ANK1: variants seen among roughly 807,000 people sequenced by gnomAD.
ANK1 encodes ankyrin-1.
ANK1 carries 51 observed loss-of-function variants against 210.4 expected under a neutral mutation model. That is an observed-to-expected ratio of 0.24 (90% confidence interval 0.19 to 0.31). The LOEUF (loss-of-function observed/expected upper bound fraction) is 0.31. ANK1 is among the 10% of genes least tolerant of loss of function. ANK1 has a pLI of 1.00. For synonymous variants in ANK1, 967 were observed against 1,025.9 expected (o/e 0.94, Z 1.10); for missense variants, 2,051 against 2,504.4 (o/e 0.82, Z 3.86).
At position 41,803,078 on chromosome 8, in the gene ANK1, A is replaced by AGGAAGGAAGGAAGGGAAG. The variant is rs1554630992; in HGVS notation, c.127-44942_127-44941insCTTCCCTTCCTTCCTTCC. Reference sequence around the variant, plus strand: ...AAGAGAGAAAGGAAGGAAGGAAGGAAGGAAGGGAAGGAAAGGAAAGGAAAG... The same window carrying AGGAAGGAAGGAAGGGAAG: ...AAGAGAGAAAGGAAGGAAGGAAGGAAGGAAGGAAGGAAGGGAAGGGAAGGGAAGGAAAGGAAAGGAAAG... On this transcript the variant is annotated intron_variant, in intron 1 of 42. Coordinates refer to the ANK1 transcript ENST00000265709. Among the ~76,000 whole-genome samples, 332 of 74,908 alleles carry AGGAAGGAAGGAAGGGAAG rather than the reference A, an allele frequency of 4.4e-3. 13 individuals are homozygous for AGGAAGGAAGGAAGGGAAG. The highest frequency in any genetic ancestry group is 0.026 in the Middle Eastern group (4 of 152). The allele number at this position is 74,908 out of a possible 152,430, so 49.1% of individuals were successfully genotyped here. A position where few individuals can be genotyped will look rare whatever the true frequency, so the allele number is the denominator to read the frequency against.
At chr8:41,749,103 CACTT>C (rs567417385) in intron 2 of ANK1, among the ~76,000 whole-genome samples, 34 of 152,138 alleles carry the variant, frequency 2.2e-4, no homozygotes, top group African/African-American at 8.0e-4. Flanking sequence ...TTCAGGATGG[CACTT>C]ACGATACTGA....
At chr8:41,891,227 C>T (rs1314748518) in intron 1 of ANK1, among the ~76,000 whole-genome samples, 2 of 151,996 alleles carry the variant, frequency 1.3e-5, no homozygotes, top group African/African-American at 2.4e-5. Flanking sequence ...AGGACACACT[C>T]GCCACTACGT....
intron 15 of ANK1, 129 bp from the exon 16 acceptor site, chr8:41,714,383 T>G: frequency 1.5e-6 from 1 of 680,040 alleles, no homozygotes; most frequent in Non-Finnish European, 2.3e-6. Context: ...AGGCCAGTCT[T>G]AACTTGGAGT....
intron 2 of ANK1, among the ~76,000 whole-genome samples, chr8:41,756,808 G>GA (rs1218679356): frequency 1.3e-5 from 2 of 152,208 alleles, no homozygotes; most frequent in Non-Finnish European, 2.9e-5. Context: ...TAGGACAGAG[G>GA]CATGTCGCCC....
intron 2 of ANK1, among the ~76,000 whole-genome samples, chr8:41,738,019 TA>T (rs1833860439): frequency 6.6e-6 from 1 of 151,994 alleles, no homozygotes; most frequent in Admixed American, 6.5e-5. Flanking sequence ...GCATAAAAAA[TA>T]AATGCAAAAT....
intron 1 of ANK1, among the ~76,000 whole-genome samples, chr8:41,763,018 C>A (rs757529389): frequency 1.3e-5 from 2 of 152,072 alleles, no homozygotes; most frequent in Non-Finnish European, 2.9e-5. Flanking sequence ...GAATTAGAGA[C>A]CAGCCTGGTC....
chr8:41,738,584 AT>A (rs1183071638), intron 2 of ANK1, among the ~76,000 whole-genome samples: 2 of 152,158 alleles, frequency 1.3e-5, no homozygotes, highest in East Asian at 3.8e-4. Context: ...CTTTAAGCAG[AT>A]TTTTCATTGC....
chr8:41,735,446 G>A (rs1833183101), intron 2 of ANK1, among the ~76,000 whole-genome samples: 1 of 151,998 alleles, frequency 6.6e-6, no homozygotes, highest in Admixed American at 6.6e-5. Flanking sequence ...GATTAATTCT[G>A]TTCTATTGCG....
chr8:41,712,558 G>C (rs1016226063), intron 16 of ANK1, among the ~76,000 whole-genome samples: 7 of 152,246 alleles, frequency 4.6e-5, no homozygotes, highest in African/African-American at 1.7e-4. Flanking sequence ...CACGGAGAGG[G>C]GAGGGAGGAA....
intron 17 of ANK1, among the ~76,000 whole-genome samples, chr8:41,706,961 G>A (rs761116815): frequency 1.5e-4 from 23 of 152,328 alleles, no homozygotes; most frequent in Middle Eastern, 3.4e-3. Context: ...TAAGCAGGGC[G>A]TGGTGGCTCA....
At chr8:41,831,861 G>A (rs1806725235) in intron 1 of ANK1, among the ~76,000 whole-genome samples, 3 of 152,300 alleles carry the variant, frequency 2.0e-5, no homozygotes, top group South Asian at 4.1e-4. Context: ...ACTAAGGAGC[G>A]AATATGGATT....
Position 41,655,670 on chromosome 8 carries a change from C to T in ANK1, c.*120G>A. On this transcript the variant is annotated 3_prime_UTR_variant, in exon 43 of 43. Transcript: ENST00000289734. ...TCAGCCCAGAGGAATGTGTGCACCGCTGCGGTGGCCCTCAGGTCCAGCTCT... is the reference window on the plus strand; with the variant it reads ...TCAGCCCAGAGGAATGTGTGCACCGTTGCGGTGGCCCTCAGGTCCAGCTCT... 2.5e-6 allele frequency: 4 copies of T among 1,591,346 alleles called. No individual in the cohort carries two copies. Among genetic ancestry groups the T allele is most frequent in the Non-Finnish European group, 3.4e-6 (4 of 1,159,764 alleles).
intron 1 of ANK1, among the ~76,000 whole-genome samples, chr8:41,887,242 C>CTTTTTTTTTTTTTTTTT (rs35112522): frequency 1.2e-5 from 1 of 80,712 alleles, no homozygotes; most frequent in Non-Finnish European, 2.2e-5. Flanking sequence ...CTTTCCTTTC[C>CTTTTTTTTTTTTTTTTT]TTTTTTTTTT....
chr8:41,692,601 G>C (rs376956758), intron 31 of ANK1, 47 bp downstream of exon 31: 1 of 1,564,376 alleles, frequency 6.4e-7, no homozygotes, highest in African/African-American at 1.4e-5. Flanking sequence ...TGGAGAAAAC[G>C]GCAGGACGGT....
At chr8:41,858,680 G>A (rs761958890) in intron 1 of ANK1, among the ~76,000 whole-genome samples, 1 of 152,240 alleles carries the variant, frequency 6.6e-6, no homozygotes, top group Non-Finnish European at 1.5e-5. Flanking sequence ...GGGATCCCCT[G>A]TAAAATCCAG....
chr8:41,695,461 C>T (rs1820624020), intron 26 of ANK1, 130 bp from the exon 27 acceptor site: 1 of 1,300,510 alleles, frequency 7.7e-7, no homozygotes, highest in Non-Finnish European at 1.1e-6. Flanking sequence ...GCCCCACCTG[C>T]AGGCAGGTCT....
At chr8:41,793,899 G>A (rs1848240654) in intron 1 of ANK1, among the ~76,000 whole-genome samples, 1 of 149,816 alleles carries the variant, frequency 6.7e-6, no homozygotes, top group Non-Finnish European at 1.5e-5. Flanking sequence ...GTAAGAGAGA[G>A]GGGGATTATT....
At chr8:41,827,469 C>T (rs1203768621) in intron 1 of ANK1, among the ~76,000 whole-genome samples, 1 of 152,164 alleles carries the variant, frequency 6.6e-6, no homozygotes, top group Non-Finnish European at 1.5e-5. Flanking sequence ...TGCAAACTCT[C>T]CACATACTAT....
At chr8:41,751,619 C>T (rs762482102) in intron 2 of ANK1, among the ~76,000 whole-genome samples, 2 of 152,172 alleles carry the variant, frequency 1.3e-5, no homozygotes, top group African/African-American at 4.8e-5. Context: ...GAGACCAACA[C>T]ATCTGGGGTG....
Sources: allele counts gnomAD v4.1 joint callset (sites outside exome capture counted in the v4.1 genomes callset), GRCh38; gene constraint gnomAD v4.1.1; transcripts MANE v1.5; gene names NCBI Gene and HGNC (gene_info 2026-07-23, HGNC 2026-07-21).